Variants in RBFOX1 observed in about 807,000 individuals in gnomAD.
RBFOX1 encodes the protein RNA binding protein fox-1 homolog 1.
In RBFOX1, 8 loss-of-function variants were observed where a neutral mutation model predicts 57.7. That is an observed-to-expected ratio of 0.14 (90% confidence interval 0.08 to 0.25). The LOEUF is 0.25. RBFOX1 is among the 10% of genes least tolerant of loss of function. RBFOX1 has a pLI of 1.00. For missense variants in RBFOX1, 611 were observed against 548.5 expected, an observed-to-expected ratio of 1.11 and a Z score of -1.14; for synonymous variants, 326 against 222.4, an observed-to-expected ratio of 1.47 and a Z score of -4.15.
At chr16:7,064,236 T>G (rs2055359391) in intron 4 of RBFOX1, among the ~76,000 whole-genome samples, 1 of 149,478 alleles carries the variant, frequency 6.7e-6, no homozygotes, top group Non-Finnish European at 1.5e-5. Flanking sequence ...TGGCGTGATC[T>G]CTGCTCACTG....
At chr16:7,049,563 T>A (rs968459323) in intron 3 of RBFOX1, among the ~76,000 whole-genome samples, 10 of 152,218 alleles carry the variant, frequency 6.6e-5, no homozygotes, top group Non-Finnish European at 1.3e-4. Context: ...CTCCTGAGTC[T>A]TTATATGGCT....
At chr16:7,347,604 G>C (rs1158544108) in intron 4 of RBFOX1, among the ~76,000 whole-genome samples, 1 of 152,056 alleles carries the variant, frequency 6.6e-6, no homozygotes, top group Non-Finnish European at 1.5e-5. Context: ...AGAATTATCA[G>C]TCACGCCGAG....
intron 3 of RBFOX1, among the ~76,000 whole-genome samples, chr16:5,759,338 A>G (rs1228898898): frequency 6.6e-6 from 1 of 152,186 alleles, no homozygotes; most frequent in East Asian, 1.9e-4. Context: ...AGAGAGATGT[A>G]TCTCTGTTCT....
At chr16:5,952,260 C>T (rs1171385439) in intron 4 of RBFOX1, among the ~76,000 whole-genome samples, 1 of 151,856 alleles carries the variant, frequency 6.6e-6, no homozygotes, top group Admixed American at 6.6e-5. Flanking sequence ...AAGCGATTCT[C>T]CTGCCTCAGC....
intron 1 of RBFOX1, among the ~76,000 whole-genome samples, chr16:6,203,334 G>C (rs771547654): frequency 1.3e-5 from 2 of 151,950 alleles, no homozygotes; most frequent in Non-Finnish European, 2.9e-5. Flanking sequence ...CCTAATAATG[G>C]GATCATGTAG....
chr16:7,543,128 G>T (rs139771911), intron 5 of RBFOX1, among the ~76,000 whole-genome samples: 31 of 152,224 alleles, frequency 2.0e-4, no homozygotes, highest in African/African-American at 7.5e-4. Flanking sequence ...TCTGCACCCC[G>T]CCATGCATTT....
At chr16:6,497,443 C>G (rs921817747) in intron 2 of RBFOX1, among the ~76,000 whole-genome samples, 3 of 152,012 alleles carry the variant, frequency 2.0e-5, no homozygotes, top group African/African-American at 4.8e-5. Flanking sequence ...CCAGAGAGCA[C>G]TTGGAGAAAG....
At chr16:6,530,707 AAG>A (rs572027484) in intron 2 of RBFOX1, among the ~76,000 whole-genome samples, 1 of 151,884 alleles carries the variant, frequency 6.6e-6, no homozygotes, top group Non-Finnish European at 1.5e-5. Flanking sequence ...GTGGCAGGTG[AAG>A]AGAGAGAGCT....
chr16:6,194,121 G>C (rs756893233), intron 1 of RBFOX1, among the ~76,000 whole-genome samples: 1 of 152,012 alleles, frequency 6.6e-6, no homozygotes. Flanking sequence ...ATTTCATACC[G>C]TTCCTTCCCT....
rs148227426 is a variant in RBFOX1, at chr16:5,358,775, C to T, written c.220-108441C>T. Among the ~76,000 whole-genome samples, 407 of 152,160 alleles carry T rather than the reference C, an allele frequency of 2.7e-3. 1 individual carries two copies. The highest frequency in any genetic ancestry group is 6.9e-3 in the South Asian group (33 of 4,810). ...CTGGGAGGCAAAGGTTGCGGTGAGC[C>T]GAGATCGCGCCATTGCACTCTAGCC... On this transcript the variant is annotated intron_variant, in intron 1 of 2. Transcript: ENST00000585867.
chr16:6,675,547 G>C (rs912176282), intron 3 of RBFOX1, among the ~76,000 whole-genome samples: 1 of 152,170 alleles, frequency 6.6e-6, no homozygotes, highest in African/African-American at 2.4e-5. Flanking sequence ...TAGGCATGGT[G>C]TGTTAGTCTG....
At chr16:6,833,715 C>G (rs1011128885) in intron 3 of RBFOX1, among the ~76,000 whole-genome samples, 2 of 152,078 alleles carry the variant, frequency 1.3e-5, no homozygotes, top group African/African-American at 4.8e-5. Context: ...GAGAAAGACT[C>G]TAGATGCTAT....
chr16:7,125,072 C>G (rs1380404187), intron 4 of RBFOX1, among the ~76,000 whole-genome samples: 1 of 152,122 alleles, frequency 6.6e-6, no homozygotes, highest in East Asian at 1.9e-4. Flanking sequence ...AGAGAGCACT[C>G]TGTCAAAGCT....
At chr16:5,436,706 T>G (rs2067928560) in intron 1 of RBFOX1, among the ~76,000 whole-genome samples, 1 of 151,500 alleles carries the variant, frequency 6.6e-6, no homozygotes, top group Admixed American at 6.6e-5. Context: ...GGTGTGGTGG[T>G]GGATGCCTGT....
chr16:7,460,389 A>ATATGTG, intron 4 of RBFOX1, among the ~76,000 whole-genome samples: 58 of 87,206 alleles, frequency 6.7e-4, no homozygotes, highest in African/African-American at 3.0e-3. Context: ...ATATATATAT[A>ATATGTG]TGTGTGTGTG....
At chr16:7,360,785 C>T (rs745577418) in intron 4 of RBFOX1, among the ~76,000 whole-genome samples, 44 of 152,188 alleles carry the variant, frequency 2.9e-4, no homozygotes, top group Non-Finnish European at 6.0e-4. Context: ...GTCTTCTTTT[C>T]ACTTTGCCTT....
intron 4 of RBFOX1, among the ~76,000 whole-genome samples, chr16:7,448,221 G>C (rs540079965): frequency 6.6e-6 from 1 of 152,326 alleles, no homozygotes; most frequent in African/African-American, 2.4e-5. Context: ...CTTAGTTCTG[G>C]AAGTTGGAAG....
intron 2 of RBFOX1, chr16:6,483,373 C>A (rs915213287): frequency 3.3e-6 from 5 of 1,510,820 alleles, no homozygotes; most frequent in East Asian, 2.5e-5. Flanking sequence ...CGAAGGCGCG[C>A]GGCGCGCACG....
At chr16:7,261,679 G>C (rs961694402) in intron 4 of RBFOX1, among the ~76,000 whole-genome samples, 1 of 152,310 alleles carries the variant, frequency 6.6e-6, no homozygotes, top group African/African-American at 2.4e-5. Context: ...CAGGATGCCA[G>C]TCCAAGCATC....
Sources: gnomAD v4.1 joint callset for allele counts (sites outside exome capture counted in the v4.1 genomes callset) on GRCh38, gnomAD v4.1.1 for gene constraint, MANE v1.5 for transcripts, NCBI Gene and HGNC (gene_info 2026-07-23, HGNC 2026-07-21) for gene names.